Variants in RIC8B observed in about 807,000 individuals in gnomAD.
RIC8B encodes the protein RIC8 guanine nucleotide exchange factor B.
In RIC8B, 16 loss-of-function variants were observed where a neutral mutation model predicts 57.5. The observed-to-expected ratio is 0.28, with a 90% CI of 0.19 to 0.42. RIC8B has a LOEUF of 0.42. Ranked by LOEUF, RIC8B falls within the 10% of genes least tolerant of loss-of-function variation. RIC8B has a pLI of 1.00. For missense variants in RIC8B, 481 were observed against 677.0 expected (o/e 0.71, Z 3.21); for synonymous variants, 216 against 250.8 (o/e 0.86, Z 1.31).
intron 8 of RIC8B, among the ~76,000 whole-genome samples, chr12:106,865,108 C>T (rs913749782): frequency 9.9e-5 from 15 of 152,102 alleles, no homozygotes; most frequent in African/African-American, 3.6e-4. Context: ...GCTTTCTGCT[C>T]TCTTGCGTAT....
rs1390155941 is a variant in RIC8B, at chr12:106,842,731, T to C, written c.979T>C (p.Leu327=). ...TAAAACAGCTGAGAAAGAAACAGTTTTGAAAAACAATACCATGGTATACAA... is the reference window on the plus strand; with the variant it reads ...TAAAACAGCTGAGAAAGAAACAGTTCTGAAAAACAATACCATGGTATACAA... ...SNKTAEKETV[L]KNNTMVYNGM... is the part of the protein sequence containing the mutation. The change falls in exon 5 of 10, where the codon TTG becomes CTG. Residue 327 remains leucine, a synonymous_variant. Coordinates refer to ENST00000392837, the MANE Select transcript of RIC8B (RefSeq NM_001330145.2). 1 of 1,613,902 alleles carries C rather than the reference T, an allele frequency of 6.2e-7. No homozygotes were observed. The highest frequency in any genetic ancestry group is 8.5e-7 in the Non-Finnish European group (1 of 1,179,918).
At chr12:106,838,131 A>G (rs2046701940) in intron 4 of RIC8B, among the ~76,000 whole-genome samples, 1 of 152,212 alleles carries the variant, frequency 6.6e-6, no homozygotes, top group African/African-American at 2.4e-5. Context: ...TTGGCATAAA[A>G]CAGACATATT....
intron 8 of RIC8B, among the ~76,000 whole-genome samples, chr12:106,868,751 A>G (rs2136571360): frequency 7.2e-6 from 1 of 138,634 alleles, no homozygotes; most frequent in South Asian, 2.5e-4. Flanking sequence ...ATGAGTGTCT[A>G]AAGCAGGCAC....
At chr12:106,806,667 T>C (rs1054128753) in intron 2 of RIC8B, among the ~76,000 whole-genome samples, 6 of 151,934 alleles carry the variant, frequency 3.9e-5, no homozygotes, top group Admixed American at 1.3e-4. Context: ...CCGTCTCTAC[T>C]AAAAATACAA....
chr12:106,824,758 T>C (rs2046017518), intron 3 of RIC8B, among the ~76,000 whole-genome samples: 1 of 150,972 alleles, frequency 6.6e-6, no homozygotes, highest in African/African-American at 2.4e-5. Context: ...AAAAAAAAAA[T>C]TAGCTGGGTG....
chr12:106,862,677 A>C (rs1165904718), intron 8 of RIC8B, among the ~76,000 whole-genome samples: 2 of 152,126 alleles, frequency 1.3e-5, no homozygotes, highest in Non-Finnish European at 1.5e-5. Context: ...TATTGGCAGA[A>C]GCAGAGAACT....
At chr12:106,882,532 C>T (rs1041988404) in intron 9 of RIC8B, among the ~76,000 whole-genome samples, 2 of 152,132 alleles carry the variant, frequency 1.3e-5, no homozygotes, top group African/African-American at 4.8e-5. Flanking sequence ...TCAGTAGGTA[C>T]AGCCAAGATT....
At chr12:106,855,584 A>G in intron 7 of RIC8B, among the ~76,000 whole-genome samples, 1 of 152,180 alleles carries the variant, frequency 6.6e-6, no homozygotes, top group East Asian at 1.9e-4. Context: ...CGTCTCTCAT[A>G]ACAGTTAATG....
chr12:106,833,180 A>C (rs1231395215), intron 4 of RIC8B, among the ~76,000 whole-genome samples: 1 of 152,200 alleles, frequency 6.6e-6, no homozygotes, highest in Non-Finnish European at 1.5e-5. Context: ...ATTTATTTAC[A>C]TATACCTTAT....
chr12:106,877,297 T>C (rs964926024), intron 9 of RIC8B, among the ~76,000 whole-genome samples: 2 of 152,174 alleles, frequency 1.3e-5, no homozygotes, highest in African/African-American at 2.4e-5. Context: ...AGTCCAGTTT[T>C]CAGTCTTGAG....
Position 106,851,490 on chromosome 12 carries a change from T to C in RIC8B, c.1202T>C (p.Val401Ala). The change falls in exon 7 of 10, where the codon GTT becomes GCT. Residue 401 changes from valine to alanine, a missense_variant. Coordinates refer to ENST00000392837, the MANE Select transcript of RIC8B (RefSeq NM_001330145.2). ...AGGGATGTGACAAATCGACCTGAAGTTGGCTCAACTGTGAGAAATAAGCTG... is the reference window on the plus strand; with the variant it reads ...AGGGATGTGACAAATCGACCTGAAGCTGGCTCAACTGTGAGAAATAAGCTG... ...PLRDVTNRPE[V>A]GSTVRNKLVR... The C allele has an allele frequency of 1.2e-6, 2 of 1,613,816 alleles. No homozygotes were observed. The highest frequency in any genetic ancestry group is 1.7e-6 in the Non-Finnish European group (2 of 1,179,882).
In RIC8B at chr12:106,860,313, T is replaced by G; in HGVS notation, c.1352T>G (p.Leu451Arg). 1 of 1,609,466 alleles carries G rather than the reference T, an allele frequency of 6.2e-7. No individual in the cohort carries two copies. The highest frequency in any genetic ancestry group is 8.5e-7 in the Non-Finnish European group (1 of 1,177,698). ...ACTGGCTATGGGAATGCTGCAGGAC[T>G]GTTGGCGGCCAGGGGCCTCTTGGCT... ...KYTGYGNAAG[L>R]LAARGLLAGG... The change falls in exon 8 of 10, where the codon CTG (leucine) becomes CGG (arginine). Residue 451 changes from leucine (L) to arginine (R), a missense_variant. This residue lies in a region of RIC8B where 421 missense variants were observed against 560.9 expected (regional missense o/e 0.75). Transcript: ENST00000392837.
intron 5 of RIC8B, among the ~76,000 whole-genome samples, chr12:106,843,479 T>G (rs948375062): frequency 3.9e-5 from 6 of 152,120 alleles, no homozygotes; most frequent in African/African-American, 9.7e-5. Context: ...TTAGGTAACA[T>G]AAGATGTCCC....
intron 6 of RIC8B, among the ~76,000 whole-genome samples, 190 bp from the exon 7 acceptor site, chr12:106,851,260 G>A (rs1949461588): frequency 6.6e-6 from 1 of 151,264 alleles, no homozygotes; most frequent in African/African-American, 2.4e-5. Context: ...CTCATCAGAG[G>A]CATGAAATCA....
intron 4 of RIC8B, among the ~76,000 whole-genome samples, chr12:106,832,189 A>G (rs886915594): frequency 5.9e-5 from 9 of 152,080 alleles, no homozygotes; most frequent in Non-Finnish European, 1.2e-4. Context: ...ACACACACAC[A>G]TATCTTGTCA....
At chr12:106,801,302 A>G (rs1456616107) in intron 2 of RIC8B, among the ~76,000 whole-genome samples, 1 of 152,224 alleles carries the variant, frequency 6.6e-6, no homozygotes, top group East Asian at 1.9e-4. Flanking sequence ...ATTTACACCT[A>G]AGCTCTTTCC....
intron 2 of RIC8B, chr12:106,798,005 A>G (rs1330950910): frequency 1.4e-6 from 1 of 709,718 alleles, no homozygotes; most frequent in Non-Finnish European, 2.6e-6. Context: ...TTGATGGAGA[A>G]CATAAAGCTT....
intron 2 of RIC8B, among the ~76,000 whole-genome samples, chr12:106,803,648 T>G (rs1380583979): frequency 6.6e-6 from 1 of 152,234 alleles, no homozygotes; most frequent in African/African-American, 2.4e-5. Flanking sequence ...TATTGGCCCA[T>G]TTTTATTCTA....
At chr12:106,861,526 A>G (rs567484781) in intron 8 of RIC8B, among the ~76,000 whole-genome samples, 1 of 152,066 alleles carries the variant, frequency 6.6e-6, no homozygotes, top group East Asian at 1.9e-4. Flanking sequence ...AGTGTGTCCT[A>G]GAAATAAAGA....
Sources: allele counts gnomAD v4.1 joint callset (sites outside exome capture counted in the v4.1 genomes callset), GRCh38; gene constraint gnomAD v4.1.1; regional missense constraint gnomAD v4.1.1; transcripts MANE v1.5; gene names NCBI Gene and HGNC (gene_info 2026-07-23, HGNC 2026-07-21).